NF2: variants seen among roughly 807,000 people sequenced by gnomAD.
The protein encoded by NF2 is merlin.
Under a neutral mutation model 83.7 loss-of-function variants are expected in NF2, and 8 were observed. The ratio of observed to expected loss-of-function variants is 0.10; its 90% confidence interval spans 0.06 to 0.17. The LOEUF (loss-of-function observed/expected upper bound fraction) is 0.17. Among genes scored for constraint, NF2 ranks in the 10% least tolerant of loss-of-function variants. The pLI is 1.00. For synonymous variants in NF2, 266 were observed against 269.6 expected (o/e 0.99, Z 0.13); for missense variants, 533 against 744.4 (o/e 0.72, Z 3.31).
Position 29,642,726 on chromosome 22 carries a change from A to G in NF2, c.447+441A>G, listed in dbSNP as rs561469525. On this transcript the variant is annotated intron_variant, in intron 4 of 15. Coordinates refer to ENST00000338641, the MANE Select transcript of NF2 (RefSeq NM_000268.4). ...AATTTATGGTCTCCAATTTTAGCCA[A>G]ACATGGCCTTTAGGTCAGAAAGGCC... 1.9e-4 allele frequency among the ~76,000 whole-genome samples: 29 copies of G among 152,250 alleles called. 1 individual carries two copies. Among genetic ancestry groups the G allele is most frequent in the Admixed American group, 1.5e-3 (23 of 15,296 alleles).
chr22:29,629,787 T>G (rs545760153), intron 1 of NF2, among the ~76,000 whole-genome samples: 2 of 152,358 alleles, frequency 1.3e-5, no homozygotes. Flanking sequence ...GAAACGGCAT[T>G]CTTCGTGTGG....
Position 29,697,269 on chromosome 22 carries a change from T to A in NF2, c.*2467T>A. 1 of 205,554 alleles carries A rather than the reference T, an allele frequency of 4.9e-6. No homozygotes were observed. The highest frequency in any genetic ancestry group is 7.2e-5 in the East Asian group (1 of 13,870). The allele number at this position is 205,554 out of a possible 1,614,324, so 12.7% of individuals were successfully genotyped here. A position where few individuals can be genotyped will look rare whatever the true frequency, so the allele number is the denominator to read the frequency against. On this transcript the variant is annotated 3_prime_UTR_variant, in exon 16 of 16. Coordinates refer to ENST00000338641, the MANE Select transcript of NF2 (RefSeq NM_000268.4). The stretch of plus-strand genomic sequence containing the variant: ...TTTGTTTCCTTCTTTAGCTGCCGTG[T>A]CTACTTCTGAAGTCTGGGAAGTGCC...
At chr22:29,607,962 C>A (rs986357248) in intron 1 of NF2, among the ~76,000 whole-genome samples, 1 of 151,674 alleles carries the variant, frequency 6.6e-6, no homozygotes, top group East Asian at 2.0e-4. Context: ...CACCTGAGGT[C>A]GGGAGTTCGA....
intron 15 of NF2, among the ~76,000 whole-genome samples, chr22:29,692,661 C>T (rs2067438300): frequency 6.6e-6 from 1 of 152,230 alleles, no homozygotes; most frequent in African/African-American, 2.4e-5. Flanking sequence ...GGCATGGAGG[C>T]CAGTGCCATA....
Position 29,661,247 on chromosome 22 carries a change from G to T in NF2, c.718G>T (p.Gly240Trp), listed in dbSNP as rs2066468086. 6.2e-7 allele frequency: 1 copy of T among 1,614,106 alleles called. No individual in the cohort carries two copies. Among genetic ancestry groups the T allele is most frequent in the African/African-American group, 1.3e-5 (1 of 74,936 alleles). ...GCTGCTGCTTGGAGTGGATGCCCTG[G>T]GGCTTCACATTTATGACCCTGAGAA... is the stretch of plus-strand genomic sequence containing the variant. ...TELLLGVDAL[G>W]LHIYDPENRL... The change falls in exon 8 of 16, where the codon GGG becomes TGG. Residue 240 changes from glycine to tryptophan, a missense_variant. This residue lies in a region of NF2 where 326 missense variants were observed against 475.1 expected (regional missense o/e 0.69). Coordinates refer to ENST00000338641, the MANE Select transcript of NF2 (RefSeq NM_000268.4).
At chr22:29,638,405 C>T (rs2065705772) in intron 2 of NF2, among the ~76,000 whole-genome samples, 1 of 149,370 alleles carries the variant, frequency 6.7e-6, no homozygotes, top group South Asian at 2.1e-4. Flanking sequence ...GGCTGCAGTA[C>T]AATGACGCAG....
At position 29,648,914 on chromosome 22, in the gene NF2, G is replaced by A. The variant is rs116378671; in HGVS notation, c.448-5743G>A. On this transcript the variant is annotated intron_variant, in intron 4 of 15. Coordinates refer to ENST00000338641, the MANE Select transcript of NF2 (RefSeq NM_000268.4). Reference sequence around the variant, plus strand: ...CCCAGCTCATTTTCATTTAACTGCCGAACTATGTTTCATAGAAAGGAGGGA... The same window carrying A: ...CCCAGCTCATTTTCATTTAACTGCCAAACTATGTTTCATAGAAAGGAGGGA... Among the ~76,000 whole-genome samples, 1,321 of 152,138 alleles carry A rather than the reference G, an allele frequency of 8.7e-3. 17 individuals carry two copies. The highest frequency in any genetic ancestry group is 0.03 in the African/African-American group (1,255 of 41,502).
In NF2 at chr22:29,674,908, G is replaced by A. The variant is rs1323009570; in HGVS notation, c.1413G>A (p.Lys471=). Residue 471 remains lysine (K), a synonymous_variant, in exon 13 of 16, where the codon AAG becomes AAA. Transcript: ENST00000338641. ...AGGCGGAGCGAAGAGCCAAGCAGAA[G>A]CTCCTGGAGATTGCCACCAAGCCCA... is the stretch of plus-strand genomic sequence containing the variant. ...AREAERRAKQ[K]LLEIATKPTY... 2 of 1,573,510 alleles carry A rather than the reference G, an allele frequency of 1.3e-6. No individual in the cohort carries two copies. The highest frequency in any genetic ancestry group is 4.7e-5 in the East Asian group (2 of 42,836).
intron 1 of NF2, among the ~76,000 whole-genome samples, chr22:29,610,496 A>C (rs974713724): frequency 6.6e-6 from 1 of 152,106 alleles, no homozygotes; most frequent in Non-Finnish European, 1.5e-5. Context: ...TACAAAAATT[A>C]GCCGAGCATG....
At chr22:29,627,301 AGCGGGTTTGG>A (rs966234684) in intron 1 of NF2, among the ~76,000 whole-genome samples, 2 of 152,200 alleles carry the variant, frequency 1.3e-5, no homozygotes, top group African/African-American at 4.8e-5. Flanking sequence ...TACCCAGCAC[AGCGGGTTTGG>A]GTGTTTTATA....
chr22:29,604,175 T>C (rs1460884578), intron 1 of NF2, 63 bp downstream of exon 1: 1 of 1,314,400 alleles, frequency 7.6e-7, no homozygotes, highest in Non-Finnish European at 1.1e-6. Context: ...AGAGGTTCTC[T>C]TTATATCATC....
At chr22:29,653,633 C>G (rs1284759163) in intron 4 of NF2, among the ~76,000 whole-genome samples, 1 of 152,084 alleles carries the variant, frequency 6.6e-6, no homozygotes, top group Non-Finnish European at 1.5e-5. Flanking sequence ...TTCTTTCACT[C>G]CTGTGTCTGT....
At chr22:29,643,073 T>C (rs2065857769) in intron 4 of NF2, among the ~76,000 whole-genome samples, 1 of 152,176 alleles carries the variant, frequency 6.6e-6, no homozygotes, top group African/African-American at 2.4e-5. Flanking sequence ...ATCCCTGCCT[T>C]TCACCAGAGC....
intron 15 of NF2, among the ~76,000 whole-genome samples, chr22:29,692,918 T>C (rs1443689911): frequency 6.6e-6 from 1 of 152,208 alleles, no homozygotes; most frequent in African/African-American, 2.4e-5. Flanking sequence ...AGTGAGGAAC[T>C]GAGGCTAGAG....
Position 29,673,393 on chromosome 22 carries a change from C to A in NF2, c.1247C>A (p.Ala416Glu). 1 of 1,611,966 alleles carries A rather than the reference C, an allele frequency of 6.2e-7. No homozygotes were observed. ...EQEMQRIKATAIRTEEEKRLM... is the reference protein window; with the variant it reads ...EQEMQRIKATEIRTEEEKRLM... ...GAAATGCAGCGCATCAAGGCCACAGCGATTCGCACGGAGGAGGAGAAGCGC... is the reference window on the plus strand; with the variant it reads ...GAAATGCAGCGCATCAAGGCCACAGAGATTCGCACGGAGGAGGAGAAGCGC... Residue 416 changes from alanine to glutamate, a missense_variant, in exon 12 of 16, where the codon GCG (alanine) becomes GAG (glutamate). Coordinates refer to ENST00000338641, the MANE Select transcript of NF2 (RefSeq NM_000268.4).
intron 15 of NF2, among the ~76,000 whole-genome samples, chr22:29,691,396 G>A (rs1264942675): frequency 6.6e-6 from 1 of 152,232 alleles, no homozygotes; most frequent in Non-Finnish European, 1.5e-5. Flanking sequence ...AGCAGGTGTT[G>A]CTGGGCAGTG....
At chr22:29,662,423 C>A (rs1298586611) in intron 8 of NF2, among the ~76,000 whole-genome samples, 1 of 152,204 alleles carries the variant, frequency 6.6e-6, no homozygotes, top group Non-Finnish European at 1.5e-5. Context: ...CCACTGTGCT[C>A]AGCAGTTCTT....
chr22:29,624,849 C>CTTTCT (rs1440020880), intron 1 of NF2, among the ~76,000 whole-genome samples: 2 of 142,622 alleles, frequency 1.4e-5, no homozygotes, highest in African/African-American at 5.4e-5. Flanking sequence ...TTCTTTCTTT[C>CTTTCT]TTTCTTTCTT....
At chr22:29,606,716 G>A (rs942952986) in intron 1 of NF2, among the ~76,000 whole-genome samples, 13 of 152,156 alleles carry the variant, frequency 8.5e-5, no homozygotes, top group African/African-American at 2.4e-4. Context: ...TGGGGAATAA[G>A]ACAGCTGGAA....
Sources: gnomAD v4.1 joint callset for allele counts (sites outside exome capture counted in the v4.1 genomes callset) on GRCh38, gnomAD v4.1.1 for gene constraint, gnomAD v4.1.1 regional missense constraint, MANE v1.5 for transcripts, NCBI Gene and HGNC (gene_info 2026-07-23, HGNC 2026-07-21) for gene names.